Variants in IL1RAPL2 observed in about 807,000 individuals in gnomAD.
The protein encoded by IL1RAPL2 is interleukin 1 receptor accessory protein like 2.
A neutral mutation model predicts 44.1 loss-of-function variants in IL1RAPL2; 3 were observed. The ratio of observed to expected loss-of-function variants is 0.07; its 90% CI spans 0.03 to 0.18. The LOEUF (loss-of-function observed/expected upper bound fraction) is 0.18. Among genes scored for constraint, IL1RAPL2 ranks in the 10% least tolerant of loss-of-function variants. The pLI is 1.00. For missense variants in IL1RAPL2, 391 were observed against 496.4 expected (o/e 0.79, Z 2.02); for synonymous variants, 181 against 178.8 (o/e 1.01, Z -0.10).
chrX:104,807,887 ACAG>A (rs1932934448), intron 2 of IL1RAPL2, among the ~76,000 whole-genome samples: 1 of 111,752 alleles, frequency 8.9e-6, no homozygotes, highest in Non-Finnish European at 1.9e-5. Flanking sequence ...TTAAATAAAA[ACAG>A]CACTTATGTG....
intron 6 of IL1RAPL2, among the ~76,000 whole-genome samples, chrX:105,596,187 T>C (rs746358118): frequency 9.0e-6 from 1 of 111,205 alleles, no homozygotes; most frequent in Non-Finnish European, 1.9e-5. Context: ...GTGTAGTTGG[T>C]TCTTTTACTT....
chrX:104,861,285 G>T (rs1162190860), intron 2 of IL1RAPL2, among the ~76,000 whole-genome samples: 2 of 111,675 alleles, frequency 1.8e-5, no homozygotes, highest in African/African-American at 6.5e-5. Flanking sequence ...TTATTTATCT[G>T]CTTACTAACA....
intron 2 of IL1RAPL2, among the ~76,000 whole-genome samples, chrX:105,152,160 A>G (rs2033233249): frequency 1.8e-5 from 2 of 111,584 alleles, no homozygotes; most frequent in Middle Eastern, 4.7e-3. Flanking sequence ...AATGGAAATA[A>G]GTAAACTATG....
intron 6 of IL1RAPL2, among the ~76,000 whole-genome samples, chrX:105,596,845 G>A (rs2037214493): frequency 9.0e-6 from 1 of 111,642 alleles, no homozygotes; most frequent in Admixed American, 9.6e-5. Context: ...CTAAAAGTAA[G>A]TCCTGAGATT....
At chrX:105,466,497 T>G (rs2036131285) in intron 5 of IL1RAPL2, among the ~76,000 whole-genome samples, 1 of 111,383 alleles carries the variant, frequency 9.0e-6, no homozygotes, top group Non-Finnish European at 1.9e-5. Flanking sequence ...AGAGCTCCAA[T>G]TTAAGGTTGA....
At position 104,692,920 on chromosome X, in the gene IL1RAPL2, A is replaced by G. The variant is rs377317699; in HGVS notation, c.82+33925A>G. Among the ~76,000 whole-genome samples, 39 of 111,771 alleles carry G rather than the reference A, an allele frequency of 3.5e-4. No individual in the cohort carries two copies. The East Asian group carries it at 6.8e-3, about 19-fold the overall frequency. On this transcript the variant is annotated intron_variant, in intron 2 of 10. Coordinates refer to ENST00000372582, the MANE Select transcript of IL1RAPL2 (RefSeq NM_017416.2). ...TTCTAGATCTCTGAGGAATTGCCAC[A>G]CCAACTTCCACAATGGTTGAACTAG...
chrX:105,030,972 T>G (rs1418718496), intron 2 of IL1RAPL2, among the ~76,000 whole-genome samples: 1 of 110,893 alleles, frequency 9.0e-6, no homozygotes, highest in Non-Finnish European at 1.9e-5. Flanking sequence ...CCTTGTAAGT[T>G]GGATTCCTAG....
At chrX:105,406,988 A>G in intron 5 of IL1RAPL2, 5 of 1,093,810 alleles carry the variant, frequency 4.6e-6, no homozygotes, top group Non-Finnish European at 6.3e-6. Flanking sequence ...TCCAACGTGA[A>G]GGGAGCTGTG....
chrX:104,720,331 G>A (rs1931652740), intron 2 of IL1RAPL2, among the ~76,000 whole-genome samples: 1 of 110,681 alleles, frequency 9.0e-6, no homozygotes, highest in Admixed American at 9.6e-5. Context: ...AAAATATTGG[G>A]GCTTTTCAGT....
rs373083632 is a variant in IL1RAPL2, at chrX:104,595,128, T to G, written c.-20+28077T>G. 7.2e-5 allele frequency among the ~76,000 whole-genome samples: 8 copies of G among 111,884 alleles called. No individual in the cohort carries two copies. The East Asian group carries it at 1.7e-3, about 24-fold the overall frequency. ...GGATGCAGGGACAGCAGTATGGACCTGCTGCAGTGGTCCAGGAGAGAGATG... is the reference window on the plus strand; with the variant it reads ...GGATGCAGGGACAGCAGTATGGACCGGCTGCAGTGGTCCAGGAGAGAGATG... On this transcript the variant is annotated intron_variant, in intron 1 of 10. Coordinates refer to ENST00000372582, the MANE Select transcript of IL1RAPL2 (RefSeq NM_017416.2).
At chrX:105,614,688 G>A (rs2037360474) in intron 6 of IL1RAPL2, among the ~76,000 whole-genome samples, 1 of 111,711 alleles carries the variant, frequency 9.0e-6, no homozygotes, top group Admixed American at 9.5e-5. Context: ...AATAAAACTG[G>A]ATTAAAGACT....
intron 2 of IL1RAPL2, among the ~76,000 whole-genome samples, chrX:104,797,662 A>G: frequency 8.9e-6 from 1 of 112,041 alleles, no homozygotes; most frequent in Admixed American, 9.5e-5. Flanking sequence ...TTTAAGAGGT[A>G]GATTCATTCT....
At chrX:105,686,309 A>G (rs1390474454) in intron 6 of IL1RAPL2, among the ~76,000 whole-genome samples, 5 of 102,242 alleles carry the variant, frequency 4.9e-5, no homozygotes. Flanking sequence ...CAGGAGACCC[A>G]TCTCACATGC....
chrX:104,612,529 G>A (rs180815569), intron 1 of IL1RAPL2, among the ~76,000 whole-genome samples: 219 of 111,372 alleles, frequency 2.0e-3, no homozygotes, highest in African/African-American at 6.9e-3. Flanking sequence ...CTGTTCCATT[G>A]GTTTATGGGT....
chrX:105,064,238 G>C (rs1246728513), intron 2 of IL1RAPL2, among the ~76,000 whole-genome samples: 1 of 112,054 alleles, frequency 8.9e-6, no homozygotes, highest in African/African-American at 3.2e-5. Flanking sequence ...TACTGCATCA[G>C]AGCTGGCACT....
chrX:105,523,042 A>G (rs1345272452), intron 6 of IL1RAPL2, among the ~76,000 whole-genome samples: 1 of 111,353 alleles, frequency 9.0e-6, no homozygotes, highest in Non-Finnish European at 1.9e-5. Context: ...CCAGAATACC[A>G]TATCTTTTCA....
chrX:105,317,715 C>T (rs1383700679), intron 5 of IL1RAPL2, among the ~76,000 whole-genome samples: 2 of 110,979 alleles, frequency 1.8e-5, no homozygotes, highest in African/African-American at 6.6e-5. Context: ...GACTCAAAGA[C>T]TCTCTGAAGT....
intron 6 of IL1RAPL2, among the ~76,000 whole-genome samples, chrX:105,574,445 T>C (rs1363796600): frequency 9.0e-6 from 1 of 111,430 alleles, no homozygotes; most frequent in East Asian, 2.9e-4. Context: ...GACAGTCCCA[T>C]CTTTAGTCTC....
intron 5 of IL1RAPL2, among the ~76,000 whole-genome samples, chrX:105,363,237 TG>T (rs1169129391): frequency 1.1e-4 from 11 of 98,646 alleles, no homozygotes; most frequent in Admixed American, 6.9e-4. Flanking sequence ...TATGTATATG[TG>T]TGTATAAATG....
Sources: gnomAD v4.1 joint callset for allele counts (sites outside exome capture counted in the v4.1 genomes callset) on GRCh38, gnomAD v4.1.1 for gene constraint, MANE v1.5 for transcripts, NCBI Gene and HGNC (gene_info 2026-07-23, HGNC 2026-07-21) for gene names.